NRXN3: variants seen among roughly 807,000 people sequenced by gnomAD.
NRXN3 encodes neurexin III.
NRXN3 carries 32 observed loss-of-function variants against 137.6 expected under a neutral mutation model. The observed-to-expected ratio is 0.23, with a 90% CI of 0.18 to 0.31. The LOEUF is 0.31. Among genes scored for constraint, NRXN3 ranks in the 10% least tolerant of loss-of-function variants. The pLI, the probability that NRXN3 is intolerant of heterozygous loss-of-function variation, is 1.00. For missense variants in NRXN3, 1,574 were observed against 2,062.5 expected (o/e 0.76, Z 4.59); for synonymous variants, 798 against 784.5 (o/e 1.02, Z -0.29).
intron 17 of NRXN3, among the ~76,000 whole-genome samples, chr14:79,667,146 C>G (rs2098563916): frequency 6.6e-6 from 1 of 152,032 alleles, no homozygotes; most frequent in Non-Finnish European, 1.5e-5. Flanking sequence ...TTCCCCGTGT[C>G]TGGGCCATCA....
intron 4 of NRXN3, among the ~76,000 whole-genome samples, chr14:78,471,827 G>C (rs2095279641): frequency 6.6e-6 from 1 of 152,188 alleles, no homozygotes; most frequent in Non-Finnish European, 1.5e-5. Context: ...ACACTCTATT[G>C]CTAGTTGGGG....
intron 10 of NRXN3, among the ~76,000 whole-genome samples, chr14:78,829,729 G>C (rs1185054609): frequency 6.6e-6 from 1 of 151,976 alleles, no homozygotes; most frequent in Non-Finnish European, 1.5e-5. Context: ...GTTGCTAATG[G>C]TTGTAAAAAC....
intron 1 of NRXN3, among the ~76,000 whole-genome samples, chr14:78,210,283 C>T (rs2062616202): frequency 6.6e-6 from 1 of 152,064 alleles, no homozygotes; most frequent in Non-Finnish European, 1.5e-5. Flanking sequence ...GGCAGAAGGG[C>T]CAGAAGGGAT....
chr14:79,199,458 A>C (rs2153205844), intron 15 of NRXN3, among the ~76,000 whole-genome samples: 1 of 152,342 alleles, frequency 6.6e-6, no homozygotes, highest in African/African-American at 2.4e-5. Context: ...ATGAGAAAAA[A>C]CAAACTACAA....
At chr14:79,798,036 G>A (rs2099166268) in intron 19 of NRXN3, among the ~76,000 whole-genome samples, 1 of 151,898 alleles carries the variant, frequency 6.6e-6, no homozygotes, top group Admixed American at 6.6e-5. Flanking sequence ...AGGAGGTCAA[G>A]GCTGCAGTGA....
intron 15 of NRXN3, among the ~76,000 whole-genome samples, chr14:79,253,980 C>G (rs2076265126): frequency 6.6e-6 from 1 of 152,186 alleles, no homozygotes; most frequent in South Asian, 2.1e-4. Flanking sequence ...TGAACTAGCT[C>G]TTATTTGATC....
chr14:78,877,866 G>T (rs1016524355), intron 10 of NRXN3, among the ~76,000 whole-genome samples: 1 of 152,114 alleles, frequency 6.6e-6, no homozygotes, highest in Admixed American at 6.5e-5. Context: ...TGTTGGATTC[G>T]AGGAATTTAA....
At chr14:79,503,340 G>A (rs980557307) in intron 16 of NRXN3, among the ~76,000 whole-genome samples, 11 of 152,070 alleles carry the variant, frequency 7.2e-5, no homozygotes, top group Admixed American at 3.3e-4. Flanking sequence ...AGCATAAATA[G>A]AATTTACAGA....
chr14:79,365,580 G>A (rs1018310887), intron 15 of NRXN3, among the ~76,000 whole-genome samples: 11 of 150,846 alleles, frequency 7.3e-5, no homozygotes, highest in African/African-American at 2.2e-4. Context: ...TTAGCCGGGC[G>A]CGGTGGCGGG....
Position 78,810,340 on chromosome 14 carries a change from C to A in NRXN3, c.2271C>A (p.Asn757Lys). 1.4e-6 allele frequency: 2 copies of A among 1,463,792 alleles called. No homozygotes were observed. The highest frequency in any genetic ancestry group is 1.8e-6 in the Non-Finnish European group (2 of 1,094,492). The allele number at this position is 1,463,792 out of a possible 1,614,324, so 90.7% of individuals were successfully genotyped here. Residue 757 changes from asparagine to lysine, a missense_variant, in exon 10 of 21, where the codon AAC becomes AAA. Physicochemically the swap from Asn to Lys is moderately conservative, Grantham distance 94. Coordinates refer to ENST00000335750, the MANE Select transcript of NRXN3 (RefSeq NM_001330195.2). ...TAGACTGTATCAGGATAAACTGTAA[C>A]TCCAGTAAGTTTTCCCTCAAGTTTC... ...VNLDCIRINC[N>K]SSKGPETLYA...
intron 16 of NRXN3, among the ~76,000 whole-genome samples, chr14:79,564,881 A>C (rs544173134): frequency 2.6e-5 from 4 of 152,092 alleles, no homozygotes; most frequent in African/African-American, 9.7e-5. Flanking sequence ...TCAAGGAAAA[A>C]ATAAAATGAT....
chr14:79,563,693 T>C (rs1602158423), intron 16 of NRXN3, among the ~76,000 whole-genome samples: 1 of 149,574 alleles, frequency 6.7e-6, no homozygotes, highest in African/African-American at 2.5e-5. Context: ...GAAAGCATGA[T>C]AAACCTTTTT....
intron 16 of NRXN3, among the ~76,000 whole-genome samples, chr14:79,626,574 C>G (rs2098283795): frequency 6.6e-6 from 1 of 152,112 alleles, no homozygotes; most frequent in South Asian, 2.1e-4. Context: ...AACTCTTATT[C>G]TTCAGATAAA....
chr14:78,958,193 A>C (rs1165121413), intron 11 of NRXN3, among the ~76,000 whole-genome samples: 1 of 152,116 alleles, frequency 6.6e-6, no homozygotes, highest in Admixed American at 6.6e-5. Context: ...ACAATTTGTC[A>C]ATCAGAAGAG....
intron 1 of NRXN3, among the ~76,000 whole-genome samples, chr14:78,217,366 C>A (rs116919181): frequency 0.072 from 10,963 of 152,126 alleles, 518 homozygotes; most frequent in South Asian, 0.15. Context: ...TTGCTGAGAG[C>A]AGTGGTTCTC....
intron 17 of NRXN3, among the ~76,000 whole-genome samples, chr14:79,680,079 A>G (rs2098662120): frequency 6.6e-6 from 1 of 152,168 alleles, no homozygotes; most frequent in African/African-American, 2.4e-5. Context: ...TGCCCCTTAA[A>G]TAGTACCTAT....
At chr14:79,800,237 C>T (rs900181000) in intron 19 of NRXN3, among the ~76,000 whole-genome samples, 4 of 152,188 alleles carry the variant, frequency 2.6e-5, no homozygotes, top group South Asian at 2.1e-4. Context: ...ACATTCCCAA[C>T]GTAACTATGA....
chr14:78,599,130 C>A (rs1247076200), intron 4 of NRXN3, among the ~76,000 whole-genome samples: 2 of 152,246 alleles, frequency 1.3e-5, no homozygotes, highest in African/African-American at 4.8e-5. Context: ...ACTATATCAG[C>A]TTCTTTTACC....
At chr14:78,513,799 TC>T (rs2096154747) in intron 4 of NRXN3, among the ~76,000 whole-genome samples, 1 of 152,180 alleles carries the variant, frequency 6.6e-6, no homozygotes, top group East Asian at 1.9e-4. Context: ...TGATTTAAGA[TC>T]CCCATAATTC....
Sources: allele counts gnomAD v4.1 joint callset (sites outside exome capture counted in the v4.1 genomes callset), GRCh38; gene constraint gnomAD v4.1.1; transcripts MANE v1.5; gene names NCBI Gene and HGNC (gene_info 2026-07-23, HGNC 2026-07-21).